Variants in KATNAL1 observed in about 807,000 individuals in gnomAD.
KATNAL1 encodes the protein katanin p60 ATPase-containing subunit A-like 1.
In KATNAL1, 32 loss-of-function variants were observed where a neutral mutation model predicts 55.2. The ratio of observed to expected loss-of-function variants is 0.58; its 90% CI spans 0.44 to 0.78. The LOEUF is 0.78. KATNAL1 is among the 30% of genes least tolerant of loss of function. The probability of loss-of-function intolerance (pLI) is 0.00; values close to 1 mark genes in which losing one functional copy is unlikely to be tolerated. For missense variants in KATNAL1, 466 were observed against 600.9 expected (o/e 0.78, Z 2.35); for synonymous variants, 193 against 193.6 (o/e 1.00, Z 0.02).
chr13:30,271,878 GAAAAA>G (rs71299873), intron 3 of KATNAL1, among the ~76,000 whole-genome samples: 9 of 76,784 alleles, frequency 1.2e-4, no homozygotes, highest in South Asian at 5.8e-4. Context: ...AAGAAAAGAG[GAAAAA>G]AAAAAAAAAA....
chr13:30,274,907 G>GCGCGCGCGCGCGCGCA (rs869107567), intron 3 of KATNAL1, among the ~76,000 whole-genome samples: 9 of 105,382 alleles, frequency 8.5e-5, no homozygotes, highest in Non-Finnish European at 1.2e-4. Flanking sequence ...GCGCGCGCGC[G>GCGCGCGCGCGCGCGCA]CACACACACA....
At chr13:30,296,942 G>T (rs761132454) in intron 1 of KATNAL1, among the ~76,000 whole-genome samples, 1 of 151,812 alleles carries the variant, frequency 6.6e-6, no homozygotes, top group Non-Finnish European at 1.5e-5. Flanking sequence ...TCCCGAGCCC[G>T]CCCAGCAGCA....
chr13:30,252,162 G>A (rs1320434183), intron 4 of KATNAL1, among the ~76,000 whole-genome samples: 2 of 152,154 alleles, frequency 1.3e-5, no homozygotes, highest in Non-Finnish European at 2.9e-5. Flanking sequence ...AGACTTCAGT[G>A]TCTCAATTTC....
chr13:30,256,364 G>A (rs912096763), intron 3 of KATNAL1, among the ~76,000 whole-genome samples: 4 of 152,134 alleles, frequency 2.6e-5, no homozygotes, highest in Non-Finnish European at 4.4e-5. Context: ...CACAGTTTTT[G>A]TCTCTTTTTG....
intron 3 of KATNAL1, among the ~76,000 whole-genome samples, chr13:30,264,514 T>TCAAA (rs556805738): frequency 8.2e-4 from 120 of 146,632 alleles, no homozygotes; most frequent in Non-Finnish European, 1.5e-3. Context: ...TACAATGAAC[T>TCAAA]CAAATTTACA....
chr13:30,255,877 A>G (rs1464099568), intron 3 of KATNAL1, among the ~76,000 whole-genome samples: 1 of 152,162 alleles, frequency 6.6e-6, no homozygotes, highest in Non-Finnish European at 1.5e-5. Context: ...GTTAATTATT[A>G]ATCACCAATA....
intron 1 of KATNAL1, among the ~76,000 whole-genome samples, chr13:30,289,068 C>T (rs1030655428): frequency 6.6e-6 from 1 of 152,224 alleles, no homozygotes; most frequent in Non-Finnish European, 1.5e-5. Context: ...GACTACACTT[C>T]ATTCAGGTTG....
chr13:30,268,842 T>C (rs1284757487), intron 3 of KATNAL1, among the ~76,000 whole-genome samples: 1 of 152,186 alleles, frequency 6.6e-6, no homozygotes, highest in Non-Finnish European at 1.5e-5. Context: ...ATAAGCATTC[T>C]ACTTACTCAT....
At chr13:30,245,251 T>C (rs575084543) in intron 4 of KATNAL1, among the ~76,000 whole-genome samples, 5 of 152,236 alleles carry the variant, frequency 3.3e-5, no homozygotes, top group African/African-American at 1.2e-4. Flanking sequence ...TAGTTCAACA[T>C]ACGCAAATCA....
intron 1 of KATNAL1, among the ~76,000 whole-genome samples, chr13:30,299,649 T>C (rs920027890): frequency 6.6e-6 from 1 of 152,194 alleles, no homozygotes; most frequent in African/African-American, 2.4e-5. Flanking sequence ...TTTAGCAATG[T>C]CTAATATTTG....
chr13:30,231,489 C>T lies in KATNAL1; in HGVS notation c.727-17G>A, dbSNP rs748996994. The T allele has an allele frequency of 1.0e-5, 15 of 1,480,350 alleles. No individual in the cohort carries two copies. Among genetic ancestry groups the T allele is most frequent in the East Asian group, 2.5e-5 (1 of 40,460 alleles). The allele number at this position is 1,480,350 out of a possible 1,614,324, so 91.7% of individuals were successfully genotyped here. A position where few individuals can be genotyped will look rare whatever the true frequency, so the allele number is the denominator to read the frequency against. On this transcript the variant is annotated splice_polypyrimidine_tract_variant and intron_variant, in intron 6 of 10. Coordinates refer to ENST00000380615, the MANE Select transcript of KATNAL1 (RefSeq NM_032116.5). ...CAGTACACCCTGAAATTTCAAAAGA[C>T]AAATTAAATGATTTATCAGATTAAA...
chr13:30,274,177 T>G (rs1381121742), intron 3 of KATNAL1, among the ~76,000 whole-genome samples: 2 of 152,218 alleles, frequency 1.3e-5, no homozygotes, highest in African/African-American at 4.8e-5. Context: ...TAGAAAAACT[T>G]GCTCCCCAAC....
intron 3 of KATNAL1, among the ~76,000 whole-genome samples, chr13:30,259,752 C>G (rs1879112103): frequency 6.6e-6 from 1 of 152,192 alleles, no homozygotes; most frequent in Non-Finnish European, 1.5e-5. Flanking sequence ...ATTGCTAGCA[C>G]AGCAGTCTGA....
At chr13:30,261,679 T>C (rs949696346) in intron 3 of KATNAL1, among the ~76,000 whole-genome samples, 1 of 152,156 alleles carries the variant, frequency 6.6e-6, no homozygotes, top group Admixed American at 6.5e-5. Context: ...ATCCTAAATA[T>C]ATATGCACCC....
intron 7 of KATNAL1, among the ~76,000 whole-genome samples, chr13:30,230,978 T>A (rs1333231164): frequency 6.6e-6 from 1 of 152,220 alleles, no homozygotes; most frequent in African/African-American, 2.4e-5. Flanking sequence ...CAGACTCTGA[T>A]TTTTAAAATA....
In KATNAL1 at chr13:30,261,406, TAA is replaced by T. The variant is rs549301831; in HGVS notation, c.324-5793_324-5792del. Among the ~76,000 whole-genome samples the T allele has an allele frequency of 3.1e-3, 470 of 152,256 alleles. 2 individuals carry two copies. The highest frequency in any genetic ancestry group is 0.011 in the African/African-American group (448 of 41,542). On this transcript the variant is annotated intron_variant, in intron 3 of 10. Coordinates refer to ENST00000380615, the MANE Select transcript of KATNAL1 (RefSeq NM_032116.5). ...ATGTAAATGGACTAAATGCTCCAGT[TAA>T]AAGACACAGACTGGCAAATTGGATA...
Position 30,208,404 on chromosome 13 carries a change from G to T in KATNAL1, c.*136C>A. ...TTCTCAACTACATTTAGTATTCTTC[G>T]CAGTTTTAGATTTTTTTTTCCTTTA... On this transcript the variant is annotated 3_prime_UTR_variant, in exon 11 of 11. Coordinates refer to ENST00000380615, the MANE Select transcript of KATNAL1 (RefSeq NM_032116.5). 4.6e-6 allele frequency: 3 copies of T among 653,502 alleles called. No individual in the cohort carries two copies. The highest frequency in any genetic ancestry group is 1.8e-5 in the African/African-American group (1 of 54,742). The allele number at this position is 653,502 out of a possible 1,614,324, so 40.5% of individuals were successfully genotyped here. A position where few individuals can be genotyped will look rare whatever the true frequency, so the allele number is the denominator to read the frequency against.
At chr13:30,265,553 C>T (rs1398200350) in intron 3 of KATNAL1, among the ~76,000 whole-genome samples, 3 of 151,976 alleles carry the variant, frequency 2.0e-5, no homozygotes, top group Non-Finnish European at 4.4e-5. Context: ...GCAGAGAATA[C>T]TCTTCAGAGG....
chr13:30,221,003 A>G (rs542512680), intron 9 of KATNAL1, among the ~76,000 whole-genome samples: 163 of 152,314 alleles, frequency 1.1e-3, no homozygotes, highest in African/African-American at 3.8e-3. Flanking sequence ...CCAGCGAAAT[A>G]AAGCACTATT....
Sources: allele counts gnomAD v4.1 joint callset (sites outside exome capture counted in the v4.1 genomes callset), GRCh38; gene constraint gnomAD v4.1.1; transcripts MANE v1.5; gene names NCBI Gene and HGNC (gene_info 2026-07-23, HGNC 2026-07-21).